The following AMD1 variants were observed in gnomAD, a reference collection of about 807,000 sequenced individuals.
AMD1 encodes the protein adenosylmethionine decarboxylase 1.
Under a neutral mutation model 40.2 loss-of-function variants are expected in AMD1, and 11 were observed. The observed-to-expected ratio is 0.27, with a 90% CI of 0.17 to 0.45. The LOEUF (loss-of-function observed/expected upper bound fraction) is 0.45, where lower values mean the gene tolerates loss of function less well. Among genes scored for constraint, AMD1 ranks in the 20% least tolerant of loss-of-function variants. The pLI, the probability that AMD1 is intolerant of heterozygous loss-of-function variation, is 1.00. For synonymous variants in AMD1, 121 were observed against 130.8 expected (o/e 0.93, Z 0.51); for missense variants, 257 against 410.2 (o/e 0.63, Z 3.23).
intron 1 of AMD1, among the ~76,000 whole-genome samples, chr6:110,886,215 TCA>T (rs1785674523): frequency 1.3e-5 from 1 of 76,732 alleles, no homozygotes; most frequent in South Asian, 4.2e-4. Context: ...AGAGCAAGAC[TCA>T]GTCTCAAAAA....
chr6:110,814,620 A>T, the AMD1 span: 1 of 471,156 alleles, frequency 2.1e-6, no homozygotes, highest in Non-Finnish European at 4.2e-6. Context: ...AACGACCGTC[A>T]CTACCCAGGG....
the AMD1 span, among the ~76,000 whole-genome samples, chr6:110,827,625 C>T: frequency 1.3e-5 from 2 of 151,836 alleles, no homozygotes; most frequent in Non-Finnish European, 1.5e-5. Context: ...ACTAGTCAGG[C>T]GTGGTGGGGG....
upstream of AMD1, among the ~76,000 whole-genome samples, chr6:110,872,319 T>A (rs1343447599): frequency 5.9e-5 from 9 of 152,172 alleles, no homozygotes; most frequent in East Asian, 1.9e-4. Flanking sequence ...AGGATTTTTT[T>A]AAAATTTGAG....
the AMD1 span, chr6:110,859,071 AG>A: frequency 2.4e-6 from 3 of 1,274,320 alleles, no homozygotes; most frequent in Non-Finnish European, 3.4e-6. Context: ...AGTGGCCGAC[AG>A]GGCTCCCTCG....
At chr6:110,815,239 T>C in the AMD1 span, 1 of 1,148,830 alleles carries the variant, frequency 8.7e-7, no homozygotes, top group Non-Finnish European at 1.1e-6. Context: ...AACAGCCGCC[T>C]CTCGCGCGCG....
rs1785012777 is a variant in AMD1, at chr6:110,874,872, AT to A, written c.-233del. On this transcript the variant is annotated 5_prime_UTR_variant, in exon 1 of 9. Coordinates refer to ENST00000368885, the MANE Select transcript of AMD1 (RefSeq NM_001634.6). ...AGCGGAATACAAGAGACTGAACTGTATCTGCCTCTATTTCCAAAAGACTCAC... is the reference window on the plus strand; with the variant it reads ...AGCGGAATACAAGAGACTGAACTGTACTGCCTCTATTTCCAAAAGACTCAC... 1 of 524,810 alleles carries A rather than the reference AT, an allele frequency of 1.9e-6. No homozygotes were observed. Among genetic ancestry groups the A allele is most frequent in the African/African-American group, 1.9e-5 (1 of 52,246 alleles). 32.5% of individuals were successfully genotyped at this position (524,810 alleles called of 1,614,324 possible).
chr6:110,820,000 T>C, the AMD1 span, among the ~76,000 whole-genome samples: 1 of 152,180 alleles, frequency 6.6e-6, no homozygotes, highest in African/African-American at 2.4e-5. Flanking sequence ...AGTTACCCTA[T>C]AGAGTCTAAA....
the AMD1 span, among the ~76,000 whole-genome samples, chr6:110,861,255 G>A: frequency 6.6e-6 from 1 of 151,978 alleles, no homozygotes; most frequent in African/African-American, 2.4e-5. Context: ...CTACTCGGGA[G>A]GCTGAGGCAG....
the AMD1 span, chr6:110,863,879 G>C: frequency 2.1e-6 from 1 of 473,336 alleles, no homozygotes; most frequent in Non-Finnish European, 4.1e-6. Flanking sequence ...AACAAATAAA[G>C]AGGGCAGAAG....
chr6:110,824,511 C>G, the AMD1 span, among the ~76,000 whole-genome samples: 1 of 152,156 alleles, frequency 6.6e-6, no homozygotes, highest in Non-Finnish European at 1.5e-5. Context: ...AAATCTCAGA[C>G]ATCTCCACTA....
At chr6:110,852,059 T>G in the AMD1 span, among the ~76,000 whole-genome samples, 100 of 150,746 alleles carry the variant, frequency 6.6e-4, no homozygotes, top group Middle Eastern at 6.8e-3. Context: ...TTTTTTTGTT[T>G]TTTTTTTTTT....
chr6:110,837,732 AAAAAAAAAAAAAAATATATATATAT>A, the AMD1 span, among the ~76,000 whole-genome samples: 1 of 111,522 alleles, frequency 9.0e-6, no homozygotes, highest in Non-Finnish European at 1.8e-5. Context: ...AAAAAAAAAA[AAAAAAAAAAAAAAATATATATATAT>A]ATATATATAT....
chr6:110,881,697 T>C (rs1785416165), intron 1 of AMD1, among the ~76,000 whole-genome samples: 1 of 151,940 alleles, frequency 6.6e-6, no homozygotes, highest in Admixed American at 6.6e-5. Flanking sequence ...GGCAGATGCC[T>C]GTAATCAGTC....
At chr6:110,822,385 G>A in the AMD1 span, among the ~76,000 whole-genome samples, 1 of 151,794 alleles carries the variant, frequency 6.6e-6, no homozygotes, top group African/African-American at 2.4e-5. Flanking sequence ...GAATGAGAAA[G>A]AAATAGAAAT....
chr6:110,833,403 G>A, the AMD1 span, among the ~76,000 whole-genome samples: 1,585 of 152,192 alleles, frequency 0.01, 30 homozygotes, highest in African/African-American at 0.036. Context: ...GTATGTACCA[G>A]GGGGAAAAAA....
chr6:110,894,009 C>T lies in AMD1; in HGVS notation c.*393C>T, dbSNP rs1409178429. ...GCTTTCGTCCTCATTAGGTGTTGGC[C>T]TCAGCCTAACCCTCTAGGACTGTTC... On this transcript the variant is annotated 3_prime_UTR_variant, in exon 9 of 9. Coordinates refer to ENST00000368885, the MANE Select transcript of AMD1 (RefSeq NM_001634.6). 1.0e-5 allele frequency: 2 copies of T among 194,180 alleles called. No homozygotes were observed. Among genetic ancestry groups the T allele is most frequent in the Non-Finnish European group, 2.2e-5 (2 of 92,116 alleles). The allele number at this position is 194,180 out of a possible 1,614,324, so 12.0% of individuals were successfully genotyped here.
chr6:110,880,868 C>T (rs1057199332), intron 1 of AMD1, among the ~76,000 whole-genome samples: 6 of 151,988 alleles, frequency 3.9e-5, no homozygotes, highest in Admixed American at 2.0e-4. Context: ...AGGCGGGTTT[C>T]GCTATGTTGG....
chr6:110,882,583 T>C (rs1785469249), intron 1 of AMD1, among the ~76,000 whole-genome samples: 2 of 152,250 alleles, frequency 1.3e-5, no homozygotes, highest in South Asian at 2.1e-4. Flanking sequence ...TATAGCATTG[T>C]ATTGACTACT....
At chr6:110,814,884 AC>A in the AMD1 span, 2 of 1,320,354 alleles carry the variant, frequency 1.5e-6, no homozygotes, top group Non-Finnish European at 1.0e-6. Flanking sequence ...TCCGGACGCA[AC>A]CCCGCGACCC....
Sources: allele counts gnomAD v4.1 joint callset (sites outside exome capture counted in the v4.1 genomes callset), GRCh38; gene constraint gnomAD v4.1.1; transcripts MANE v1.5; gene names NCBI Gene and HGNC (gene_info 2026-07-23, HGNC 2026-07-21).